The following PTPRA variants were observed in gnomAD, a reference collection of about 807,000 sequenced individuals.
The protein encoded by PTPRA is protein tyrosine phosphatase receptor type A, also known as receptor-type tyrosine-protein phosphatase alpha.
A neutral mutation model predicts 104.8 loss-of-function variants in PTPRA; 25 were observed. The ratio of observed to expected loss-of-function variants is 0.24; its 90% CI spans 0.17 to 0.33. PTPRA has a LOEUF of 0.33. Ranked by LOEUF, PTPRA falls within the 10% of genes least tolerant of loss-of-function variation. PTPRA has a pLI of 1.00. For synonymous variants in PTPRA, 323 were observed against 368.9 expected, an observed-to-expected ratio of 0.88 and a Z score of 1.43; for missense variants, 765 against 1,015.3, an observed-to-expected ratio of 0.75 and a Z score of 3.35.
At chr20:3,009,362 G>A (rs1385251667) in intron 11 of PTPRA, among the ~76,000 whole-genome samples, 1 of 152,086 alleles carries the variant, frequency 6.6e-6, no homozygotes, top group Non-Finnish European at 1.5e-5. Context: ...GAAGGTCAGT[G>A]GCTGCTTCAA....
At chr20:3,029,540 C>CTTTTTTTTTTTTTTTTTTTTTTTTTTTT (rs71195813) in intron 20 of PTPRA, among the ~76,000 whole-genome samples, 1 of 78,060 alleles carries the variant, frequency 1.3e-5, no homozygotes, top group Non-Finnish European at 2.3e-5. Flanking sequence ...TCTTCATCAT[C>CTTTTTTTTTTTTTTTTTTTTTTTTTTTT]TTTTTTTTTT....
chr20:2,910,578 G>GTTTCTTTTTTTTTTTTTTTTTTT (rs1337126801), intron 1 of PTPRA, among the ~76,000 whole-genome samples: 4 of 32,424 alleles, frequency 1.2e-4, no homozygotes, highest in Non-Finnish European at 1.0e-4. Flanking sequence ...TGCCCAGCTA[G>GTTTCTTTTTTTTTTTTTTTTTTT]TTTTTTTTTT....
At position 2,928,217 on chromosome 20, in the gene PTPRA, G is replaced by C. The variant is rs184372297; in HGVS notation, c.-50+4932G>C. On this transcript the variant is annotated intron_variant, in intron 2 of 23. Transcript: ENST00000399903. Reference sequence around the variant, plus strand: ...GTGGCGCGATCTTGGCTCACTGCAAGCTTCGCCTCCCAGGTTCATGCCATT... The same window carrying C: ...GTGGCGCGATCTTGGCTCACTGCAACCTTCGCCTCCCAGGTTCATGCCATT... Among the ~76,000 whole-genome samples the C allele has an allele frequency of 5.9e-4, 90 of 152,022 alleles. 1 individual carries two copies. The highest frequency in any genetic ancestry group is 1.5e-3 in the Admixed American group (23 of 15,272).
At chr20:2,908,101 A>G (rs1882966530) in intron 1 of PTPRA, among the ~76,000 whole-genome samples, 1 of 152,062 alleles carries the variant, frequency 6.6e-6, no homozygotes, top group Admixed American at 6.6e-5. Context: ...CTACTTAGAA[A>G]CTTCCCTCCT....
chr20:2,946,094 A>G (rs1246721108), intron 2 of PTPRA, among the ~76,000 whole-genome samples: 4 of 152,136 alleles, frequency 2.6e-5, no homozygotes, highest in Non-Finnish European at 5.9e-5. Context: ...GGTCTACCAT[A>G]ATTAGCAGGG....
intron 12 of PTPRA, 44 bp downstream of exon 12, chr20:3,015,929 A>C: frequency 6.6e-7 from 1 of 1,521,046 alleles, no homozygotes; most frequent in Non-Finnish European, 9.1e-7. Flanking sequence ...AACCATGATC[A>C]CATAATGGGT....
In PTPRA at chr20:2,988,118, T is replaced by C. The variant is rs769105142; in HGVS notation, c.601+13T>C. 7 of 1,562,040 alleles carry C rather than the reference T, an allele frequency of 4.5e-6. No individual in the cohort carries two copies. In the African/African-American group the frequency reaches 5.4e-5, roughly 12 times the overall value. On this transcript the variant is annotated intron_variant, in intron 8 of 23. Coordinates refer to ENST00000399903, the MANE Select transcript of PTPRA (RefSeq NM_001385305.1). ...ACTGAGGATGTGGGTAAGGCATTCC[T>C]TAATGTCATGGGGAACCTTCACAAG...
intron 6 of PTPRA, among the ~76,000 whole-genome samples, chr20:2,978,953 G>A (rs1038156875): frequency 1.3e-5 from 2 of 152,222 alleles, no homozygotes; most frequent in African/African-American, 4.8e-5. Flanking sequence ...GTGTGAACTT[G>A]TGGATGCCAA....
intron 2 of PTPRA, among the ~76,000 whole-genome samples, chr20:2,924,877 C>G (rs2060236612): frequency 6.6e-6 from 1 of 152,098 alleles, no homozygotes; most frequent in African/African-American, 2.4e-5. Flanking sequence ...GACAGAGTTT[C>G]ACCATGTTGG....
chr20:2,902,732 A>C (rs898635257), intron 1 of PTPRA, among the ~76,000 whole-genome samples: 4 of 152,232 alleles, frequency 2.6e-5, no homozygotes, highest in African/African-American at 7.2e-5. Flanking sequence ...ATTGAAGATT[A>C]GATTTTAATT....
At chr20:2,910,279 A>G (rs1407408538) in intron 1 of PTPRA, among the ~76,000 whole-genome samples, 1 of 126,012 alleles carries the variant, frequency 7.9e-6, no homozygotes, top group Non-Finnish European at 1.6e-5. Flanking sequence ...GAGGGTATGC[A>G]TTATATATAA....
intron 2 of PTPRA, among the ~76,000 whole-genome samples, chr20:2,930,634 T>C (rs925805751): frequency 3.3e-5 from 5 of 152,194 alleles, no homozygotes; most frequent in Admixed American, 2.6e-4. Context: ...ATTTGGATTG[T>C]AAATGATCAC....
intron 2 of PTPRA, among the ~76,000 whole-genome samples, chr20:2,931,886 T>A (rs1350936833): frequency 6.6e-6 from 1 of 152,178 alleles, no homozygotes. Flanking sequence ...CCCTGGCTTT[T>A]TAAAGGCCAT....
intron 1 of PTPRA, among the ~76,000 whole-genome samples, chr20:2,878,614 T>G (rs1490126447): frequency 2.0e-5 from 3 of 152,198 alleles, no homozygotes; most frequent in African/African-American, 7.2e-5. Context: ...TTCTTTTGGA[T>G]TATTTCCTTG....
intron 1 of PTPRA, among the ~76,000 whole-genome samples, chr20:2,875,604 C>T (rs542831208): frequency 1.3e-5 from 2 of 152,294 alleles, no homozygotes; most frequent in Admixed American, 6.5e-5. Context: ...ATAAATACAT[C>T]ACAGGTGCTA....
At chr20:2,928,830 C>CT (rs762180655) in intron 2 of PTPRA, among the ~76,000 whole-genome samples, 7,349 of 135,404 alleles carry the variant, frequency 0.054, 406 homozygotes, top group South Asian at 0.12. Context: ...TTTTTTCTCT[C>CT]TTTTTTTTTT....
chr20:2,892,011 C>T (rs994805001), intron 1 of PTPRA, among the ~76,000 whole-genome samples: 1 of 151,762 alleles, frequency 6.6e-6, no homozygotes, highest in Non-Finnish European at 1.5e-5. Flanking sequence ...TCAACTGGGC[C>T]GGGCGCGGTG....
intron 1 of PTPRA, among the ~76,000 whole-genome samples, chr20:2,897,843 A>T (rs1316203748): frequency 6.6e-6 from 1 of 151,016 alleles, no homozygotes; most frequent in Non-Finnish European, 1.5e-5. Context: ...AATTGTCCCA[A>T]ATTTGGCCAG....
intron 5 of PTPRA, among the ~76,000 whole-genome samples, chr20:2,967,826 A>C (rs1252534510): frequency 1.3e-5 from 2 of 152,160 alleles, no homozygotes; most frequent in African/African-American, 4.8e-5. Flanking sequence ...ATACCACTGC[A>C]CTCCAGCCTG....
Sources: allele counts gnomAD v4.1 joint callset (sites outside exome capture counted in the v4.1 genomes callset), GRCh38; gene constraint gnomAD v4.1.1; transcripts MANE v1.5; gene names NCBI Gene and HGNC (gene_info 2026-07-23, HGNC 2026-07-21).